Variants in MEI4 observed in about 807,000 individuals in gnomAD.
MEI4 encodes the protein meiotic double-stranded break formation protein 4, also known as meiosis-specific protein MEI4.
Under a neutral mutation model 31.4 loss-of-function variants are expected in MEI4, and 27 were observed. That is an observed-to-expected ratio of 0.86 (90% CI 0.63 to 1.19). The LOEUF (loss-of-function observed/expected upper bound fraction) is 1.19. Ranked by LOEUF, MEI4 falls within the 50% of genes most tolerant of loss-of-function variation. The pLI is 0.00. For missense variants in MEI4, 329 were observed against 398.9 expected (o/e 0.82, Z 1.49); for synonymous variants, 122 against 145.4 (o/e 0.84, Z 1.16).
intron 1 of MEI4, among the ~76,000 whole-genome samples, chr6:77,680,367 C>T (rs113564565): frequency 1.1e-3 from 166 of 151,904 alleles, no homozygotes; most frequent in African/African-American, 2.7e-3. Context: ...TGGGGTAAGT[C>T]GCATGGATCT....
intron 4 of MEI4, among the ~76,000 whole-genome samples, chr6:77,910,138 A>C (rs1353676648): frequency 2.0e-5 from 3 of 152,200 alleles, no homozygotes; most frequent in African/African-American, 7.2e-5. Flanking sequence ...TTCCCTTTGA[A>C]AACTGGCACA....
chr6:77,655,739 TTTTA>T (rs1428319329), intron 1 of MEI4, among the ~76,000 whole-genome samples: 1 of 152,184 alleles, frequency 6.6e-6, no homozygotes, highest in Non-Finnish European at 1.5e-5. Flanking sequence ...TTGTTGAACT[TTTTA>T]TTTAGGTTTC....
intron 2 of MEI4, among the ~76,000 whole-genome samples, chr6:77,715,464 G>C (rs569951593): frequency 3.3e-5 from 5 of 152,164 alleles, no homozygotes; most frequent in Non-Finnish European, 7.3e-5. Context: ...AATATATTAG[G>C]TTGGTGCCAA....
intron 4 of MEI4, among the ~76,000 whole-genome samples, chr6:77,918,715 CAG>C (rs1766627176): frequency 6.6e-6 from 1 of 151,818 alleles, no homozygotes; most frequent in Non-Finnish European, 1.5e-5. Flanking sequence ...CATCTGCAAA[CAG>C]GGACAATTTG....
rs540731424 is a variant in MEI4 at position 77,665,908 on chromosome 6, G to A, written c.-15+12816G>A. On this transcript the variant is annotated intron_variant, in intron 1 of 4. Transcript: ENST00000684080. ...CTGGTCGGTGTGAGGACCTGAGGTCGTAGGTGGATCTTTCTCATGGAGCAA... is the reference window on the plus strand; with the variant it reads ...CTGGTCGGTGTGAGGACCTGAGGTCATAGGTGGATCTTTCTCATGGAGCAA... Among the ~76,000 whole-genome samples, 11 of 152,240 alleles carry A rather than the reference G, an allele frequency of 7.2e-5. No homozygotes were observed. The South Asian group carries it at 1.9e-3, about 26-fold the overall frequency.
At chr6:77,695,969 A>G (rs1209866978) in intron 2 of MEI4, among the ~76,000 whole-genome samples, 1 of 152,102 alleles carries the variant, frequency 6.6e-6, no homozygotes. Context: ...CTCCTTGAAG[A>G]GGTCCTTCAC....
At chr6:77,841,333 A>ATATATATATATATTTATTTTTTTTT in intron 4 of MEI4, among the ~76,000 whole-genome samples, 1 of 27,748 alleles carries the variant, frequency 3.6e-5, no homozygotes. Flanking sequence ...ATATATATAT[A>ATATATATATATATTTATTTTTTTTT]TTTTTTTTTT....
chr6:77,911,591 T>C (rs1766435976), intron 4 of MEI4, among the ~76,000 whole-genome samples: 1 of 151,892 alleles, frequency 6.6e-6, no homozygotes, highest in Admixed American at 6.6e-5. Context: ...ATTAATTAAT[T>C]TGCTTAGGTA....
At chr6:77,750,526 C>T (rs1767741418) in intron 2 of MEI4, among the ~76,000 whole-genome samples, 2 of 152,128 alleles carry the variant, frequency 1.3e-5, no homozygotes, top group Non-Finnish European at 1.5e-5. Flanking sequence ...ACAAAGAAGG[C>T]CATTACATAA....
chr6:77,730,541 C>G (rs1426128468), intron 2 of MEI4, among the ~76,000 whole-genome samples: 2 of 151,942 alleles, frequency 1.3e-5, no homozygotes, highest in South Asian at 2.1e-4. Context: ...TCTTTTCTTT[C>G]AGAGCAATTA....
chr6:77,791,469 G>T (rs1204710567), intron 3 of MEI4, among the ~76,000 whole-genome samples: 1 of 145,296 alleles, frequency 6.9e-6, no homozygotes, highest in Admixed American at 7.1e-5. Flanking sequence ...CTCATAGGTG[G>T]GAATTGAACA....
In MEI4 at chr6:77,731,508, A is replaced by G. The variant is rs539198238; in HGVS notation, c.233-29622A>G. Among the ~76,000 whole-genome samples, 156 of 151,196 alleles carry G rather than the reference A, an allele frequency of 1.0e-3. 1 individual carries two copies. The East Asian group carries it at 0.029, about 29-fold the overall frequency. On this transcript the variant is annotated intron_variant, in intron 2 of 4. Transcript: ENST00000684080. Reference sequence around the variant, plus strand: ...TTTTCTTGTAAATTTATTTGAGTTCATTGTAGATTCTGGATATTAGCCCTT... The same window carrying G: ...TTTTCTTGTAAATTTATTTGAGTTCGTTGTAGATTCTGGATATTAGCCCTT...
chr6:77,917,439 C>A (rs1184635865), intron 4 of MEI4, among the ~76,000 whole-genome samples: 4 of 150,718 alleles, frequency 2.7e-5, no homozygotes, highest in Non-Finnish European at 2.9e-5. Context: ...CCTGTTGTTT[C>A]CTGACTTTTT....
intron 4 of MEI4, among the ~76,000 whole-genome samples, chr6:77,909,161 CCA>C (rs745703669): frequency 6.6e-6 from 1 of 152,042 alleles, no homozygotes; most frequent in East Asian, 1.9e-4. Flanking sequence ...GTCTCTCAGA[CCA>C]CAGTGCAATC....
chr6:77,697,486 C>T (rs548254996), intron 2 of MEI4, among the ~76,000 whole-genome samples: 1 of 152,306 alleles, frequency 6.6e-6, no homozygotes, highest in East Asian at 1.9e-4. Flanking sequence ...TTATTGGTTT[C>T]AAAGAACATC....
chr6:77,746,369 G>A (rs1048327241), intron 2 of MEI4, among the ~76,000 whole-genome samples: 1 of 152,168 alleles, frequency 6.6e-6, no homozygotes. Flanking sequence ...CATCCAATAA[G>A]TGGAAGCCCT....
chr6:77,877,409 T>G (rs1771367934), intron 4 of MEI4, among the ~76,000 whole-genome samples: 1 of 152,120 alleles, frequency 6.6e-6, no homozygotes, highest in Non-Finnish European at 1.5e-5. Context: ...GAAAACAATC[T>G]TTTGACAGTT....
chr6:77,840,499 G>A (rs899705352), intron 4 of MEI4, among the ~76,000 whole-genome samples: 8 of 152,144 alleles, frequency 5.3e-5, no homozygotes, highest in African/African-American at 1.7e-4. Flanking sequence ...TTAATTTTCT[G>A]TGAGCCATGA....
At chr6:77,685,057 G>C (rs1402911430) in intron 1 of MEI4, among the ~76,000 whole-genome samples, 2 of 152,170 alleles carry the variant, frequency 1.3e-5, no homozygotes, top group East Asian at 1.9e-4. Flanking sequence ...ACTGGGATGA[G>C]ACGATATCTA....
Sources: allele counts gnomAD v4.1 joint callset (sites outside exome capture counted in the v4.1 genomes callset), GRCh38; gene constraint gnomAD v4.1.1; transcripts MANE v1.5; gene names NCBI Gene and HGNC (gene_info 2026-07-23, HGNC 2026-07-21).